The following IL22RA1 variants were observed in gnomAD, a reference collection of about 807,000 sequenced individuals.
The protein encoded by IL22RA1 is interleukin 22 receptor subunit alpha 1, also known as interleukin-22 receptor subunit alpha-1.
A neutral mutation model predicts 32.8 loss-of-function variants in IL22RA1; 25 were observed. That is an observed-to-expected ratio of 0.76 (90% CI 0.55 to 1.06). The LOEUF (loss-of-function observed/expected upper bound fraction) is 1.06. Among genes scored for constraint, IL22RA1 ranks in the 50% least tolerant of loss-of-function variants. IL22RA1 has a pLI of 0.00. For missense variants in IL22RA1, 709 were observed against 727.4 expected (o/e 0.97, Z 0.29); for synonymous variants, 305 against 305.0 (o/e 1.00, Z 0.00).
At chr1:24,136,634 G>C (rs80061008) in intron 3 of IL22RA1, among the ~76,000 whole-genome samples, 1 of 152,206 alleles carries the variant, frequency 6.6e-6, no homozygotes, top group African/African-American at 2.4e-5. Flanking sequence ...TTGGCTGCTC[G>C]ATGCATTGGG....
chr1:24,122,598 C>T (rs1347903727), intron 6 of IL22RA1, among the ~76,000 whole-genome samples: 12 of 152,126 alleles, frequency 7.9e-5, no homozygotes, highest in African/African-American at 2.4e-4. Context: ...GAGTTTGAGA[C>T]CAGCCTGGCC....
At chr1:24,123,739 T>C (rs1251858782) in intron 5 of IL22RA1, among the ~76,000 whole-genome samples, 1 of 152,204 alleles carries the variant, frequency 6.6e-6, no homozygotes, top group Non-Finnish European at 1.5e-5. Context: ...GGTACTGTGC[T>C]GAAGTGGGGA....
chr1:24,128,110 C>T (rs1275571918), intron 5 of IL22RA1, 31 bp downstream of exon 5: 1 of 1,490,342 alleles, frequency 6.7e-7, no homozygotes, highest in Admixed American at 2.3e-5. Flanking sequence ...ATTCGGGAGC[C>T]CCACCTCCCT....
In IL22RA1 at chr1:24,143,111, C is replaced by T. The variant is rs1644292637; in HGVS notation, c.-29G>A. 2 of 1,605,896 alleles carry T rather than the reference C, an allele frequency of 1.2e-6. No individual in the cohort carries two copies. The highest frequency in any genetic ancestry group is 1.7e-6 in the Non-Finnish European group (2 of 1,175,758). ...GGCTGGCACAGAGCCCTCCCTTGGC[C>T]TCTACTCTGCCGTGCACAGAGAGAG... On this transcript the variant is annotated 5_prime_UTR_variant, in exon 1 of 7. Transcript: ENST00000270800.
At chr1:24,132,168 T>G (rs1024033169) in intron 4 of IL22RA1, among the ~76,000 whole-genome samples, 7 of 152,034 alleles carry the variant, frequency 4.6e-5, no homozygotes, top group Admixed American at 4.6e-4. Context: ...AAGCTTTGCG[T>G]TGGGGAAGAA....
intron 1 of IL22RA1, among the ~76,000 whole-genome samples, chr1:24,142,424 G>T (rs140934620): frequency 6.6e-6 from 1 of 152,196 alleles, no homozygotes. Flanking sequence ...CCCCCACTCC[G>T]CTCACTTTAT....
chr1:24,123,379 T>A lies in IL22RA1; in HGVS notation c.715A>T (p.Met239Leu). The A allele has an allele frequency of 6.2e-7, 1 of 1,613,966 alleles. No individual in the cohort carries two copies. Among genetic ancestry groups the A allele is most frequent in the Non-Finnish European group, 8.5e-7 (1 of 1,179,964 alleles). Residue 239 changes from methionine to leucine, a missense_variant, in exon 6 of 7, where the codon ATG (methionine) becomes TTG (leucine). Coordinates refer to ENST00000270800, the MANE Select transcript of IL22RA1 (RefSeq NM_021258.4). The stretch of plus-strand genomic sequence containing the variant: ...CAGAGTACTGCGACGAGGAAGCCCA[T>A]GGAGAACAGGAAGGCTCCGGAGAAG... ...YSFSGAFLFS[M>L]GFLVAVLCYL...
Position 24,121,290 on chromosome 1 carries a change from A to T in IL22RA1, c.1240T>A (p.Ser414Thr). ...GGACTAGAAAGTGTCCCAGTGGGGG[A>T]GTCTTTGCCAGAACCTTCCATGCAT... Reference protein sequence around the residue: ...GVCMEGSGKDSPTGTLSSPKH... With the variant: ...GVCMEGSGKDTPTGTLSSPKH... The change falls in exon 7 of 7, where the codon TCC (serine) becomes ACC (threonine). Residue 414 changes from serine to threonine, a missense_variant. Ser to Thr is a moderately conservative substitution (Grantham distance 58, BLOSUM62 1). Transcript: ENST00000270800. 1.9e-6 allele frequency: 3 copies of T among 1,613,718 alleles called. No homozygotes were observed. Among genetic ancestry groups the T allele is most frequent in the Non-Finnish European group, 2.5e-6 (3 of 1,179,846 alleles).
In IL22RA1 at chr1:24,132,231, T is replaced by A. The variant is rs142973209; in HGVS notation, c.531+1980A>T. 2.7e-3 allele frequency among the ~76,000 whole-genome samples: 408 copies of A among 152,172 alleles called. 1 individual carries two copies. The highest frequency in any genetic ancestry group is 9.5e-3 in the African/African-American group (394 of 41,508). On this transcript the variant is annotated intron_variant, in intron 4 of 6. Coordinates refer to ENST00000270800, the MANE Select transcript of IL22RA1 (RefSeq NM_021258.4). Reference sequence around the variant, plus strand: ...ATCCCAGGGATGCAAGTGCAATAACTTGATGAAGTTGACTGGAAGGGGACC... The same window carrying A: ...ATCCCAGGGATGCAAGTGCAATAACATGATGAAGTTGACTGGAAGGGGACC...
chr1:24,134,672 C>G (rs1006781409), intron 3 of IL22RA1, among the ~76,000 whole-genome samples: 15 of 152,184 alleles, frequency 9.9e-5, no homozygotes, highest in Non-Finnish European at 2.2e-4. Context: ...CTTGCCCCCA[C>G]ACATCCCAGC....
At chr1:24,128,881 C>T (rs186162288) in intron 4 of IL22RA1, among the ~76,000 whole-genome samples, 3 of 152,274 alleles carry the variant, frequency 2.0e-5, no homozygotes, top group Non-Finnish European at 1.5e-5. Flanking sequence ...ATTCAAAAGG[C>T]TTTGATGGCC....
chr1:24,130,120 G>A (rs993164620), intron 4 of IL22RA1, among the ~76,000 whole-genome samples: 2 of 152,062 alleles, frequency 1.3e-5, no homozygotes, highest in African/African-American at 4.8e-5. Context: ...CTACTTAAAA[G>A]CATTGGAGAG....
chr1:24,123,593 T>C (rs920716530), intron 5 of IL22RA1, 170 bp from the exon 6 acceptor site: 3 of 1,351,958 alleles, frequency 2.2e-6, no homozygotes, highest in Non-Finnish European at 2.9e-6. Flanking sequence ...ACTGTACATC[T>C]AAATAGTCAG....
chr1:24,138,901 G>A (rs1396849139), intron 1 of IL22RA1, among the ~76,000 whole-genome samples, 187 bp from the exon 2 acceptor site: 2 of 152,228 alleles, frequency 1.3e-5, no homozygotes, highest in Admixed American at 6.5e-5. Flanking sequence ...AGCAAGAGGG[G>A]ATGCTCCCCA....
chr1:24,134,950 TA>T, intron 3 of IL22RA1: 1 of 402,748 alleles, frequency 2.5e-6, no homozygotes, highest in Non-Finnish European at 3.4e-6. Context: ...CCAAAATGTA[TA>T]TATACAAAAA....
rs1193501072 is a variant in IL22RA1 at position 24,120,945 on chromosome 1, G to A, written c.1585C>T (p.Pro529Ser). 6.2e-7 allele frequency: 1 copy of A among 1,614,240 alleles called. No homozygotes were observed. ...ACAAGGGACTCCAGCAGGCCCCAGGGACTTGGACCTTGGTCCGAGGGGGAA... is the reference window on the plus strand; with the variant it reads ...ACAAGGGACTCCAGCAGGCCCCAGGAACTTGGACCTTGGTCCGAGGGGGAA... ...PCSPSDQGPS[P>S]WGLLESLVCP... Residue 529 changes from proline to serine, a missense_variant, in exon 7 of 7, where the codon CCC becomes TCC. Physicochemically the swap from Pro to Ser is moderately conservative, Grantham distance 74. Coordinates refer to ENST00000270800, the MANE Select transcript of IL22RA1 (RefSeq NM_021258.4).
At chr1:24,130,368 C>A (rs768060739) in intron 4 of IL22RA1, among the ~76,000 whole-genome samples, 3 of 151,984 alleles carry the variant, frequency 2.0e-5, no homozygotes, top group Non-Finnish European at 4.4e-5. Context: ...GAGAAGGAGG[C>A]CCAAACTCTG....
At position 24,138,017 on chromosome 1, in the gene IL22RA1, G is replaced by T. The variant is rs560682066; in HGVS notation, c.176+565C>A. On this transcript the variant is annotated intron_variant, in intron 2 of 6. Transcript: ENST00000270800. The stretch of plus-strand genomic sequence containing the variant: ...GAGAGAAATGAGGCTCAGAGAGGGG[G>T]AAGTGACTTGCTACAGGACAACGTG... 2.6e-5 allele frequency among the ~76,000 whole-genome samples: 4 copies of T among 152,212 alleles called. No homozygotes were observed. In the East Asian group the frequency reaches 7.7e-4, roughly 29 times the overall value.
Position 24,128,133 on chromosome 1 carries a change from G to T in IL22RA1, c.670+8C>A, listed in dbSNP as rs201644800. ...GCCCCACCTCCCTCTGGTTTCAGCC[G>T]AACTCACCTGGCAGTGTCTTCACTC... On this transcript the variant is annotated splice_region_variant and intron_variant, in intron 5 of 6. Transcript: ENST00000270800. 47 of 1,508,672 alleles carry T rather than the reference G, an allele frequency of 3.1e-5. No individual in the cohort carries two copies. Among genetic ancestry groups the T allele is most frequent in the Non-Finnish European group, 3.8e-5 (43 of 1,126,176 alleles). The allele number at this position is 1,508,672 out of a possible 1,614,324, so 93.5% of individuals were successfully genotyped here. A position where few individuals can be genotyped will look rare whatever the true frequency, so the allele number is the denominator to read the frequency against.
Sources: gnomAD v4.1 joint callset for allele counts (sites outside exome capture counted in the v4.1 genomes callset) on GRCh38, gnomAD v4.1.1 for gene constraint, MANE v1.5 for transcripts, NCBI Gene and HGNC (gene_info 2026-07-23, HGNC 2026-07-21) for gene names.